Variants in PARP2 observed in about 807,000 individuals in gnomAD.
PARP2 encodes poly [ADP-ribose] polymerase 2.
Under a neutral mutation model 77.8 loss-of-function variants are expected in PARP2, and 57 were observed. That is an observed-to-expected ratio of 0.73 (90% CI 0.59 to 0.91). PARP2 has a LOEUF of 0.91. PARP2 is among the 40% of genes least tolerant of loss of function. The pLI, the probability that PARP2 is intolerant of heterozygous loss-of-function variation, is 0.00. For synonymous variants in PARP2, 226 were observed against 242.6 expected, an observed-to-expected ratio of 0.93 and a Z score of 0.64; for missense variants, 651 against 689.0, an observed-to-expected ratio of 0.94 and a Z score of 0.62.
intron 4 of PARP2, among the ~76,000 whole-genome samples, chr14:20,348,912 G>C (rs909818161): frequency 6.6e-6 from 1 of 151,992 alleles, no homozygotes; most frequent in African/African-American, 2.4e-5. Context: ...CCAGCTACTC[G>C]GGAGGTTGAG....
In PARP2 at chr14:20,343,698, C is replaced by G; in HGVS notation, c.46+11C>G. 6.2e-7 allele frequency: 1 copy of G among 1,608,930 alleles called. No homozygotes were observed. The highest frequency in any genetic ancestry group is 8.5e-7 in the Non-Finnish European group (1 of 1,178,380). On this transcript the variant is annotated intron_variant, in intron 1 of 15. Transcript: ENST00000429687. ...GCGGCAGGGCGAGAGGTTCGGAGCT[C>G]AATATCGCGGGACGGCATGCGGGGG...
intron 7 of PARP2, chr14:20,353,089 A>C (rs1223528913): frequency 1.3e-5 from 2 of 151,672 alleles, no homozygotes; most frequent in Non-Finnish European, 2.9e-5. Flanking sequence ...CATGTTGGCC[A>C]GTCTGGTCTT....
chr14:20,357,583 A>C, intron 15 of PARP2, 55 bp from the exon 16 acceptor site: 1 of 1,605,016 alleles, frequency 6.2e-7, no homozygotes, highest in Non-Finnish European at 8.5e-7. Flanking sequence ...TACGTTCTCT[A>C]TTGCAGCTTC....
chr14:20,357,890 A>ATATC lies in PARP2; in HGVS notation c.*93_*94insTATC. ...ATTTTGTGATATTTTATGTAATAAA[A>ATATC]ACTGTACAGGTCTACCACTGGCTTC... On this transcript the variant is annotated 3_prime_UTR_variant, in exon 16 of 16. Transcript: ENST00000429687. 1 of 1,170,036 alleles carries ATATC rather than the reference A, an allele frequency of 8.5e-7. No homozygotes were observed. The highest frequency in any genetic ancestry group is 1.2e-6 in the Non-Finnish European group (1 of 807,484). The allele number at this position is 1,170,036 out of a possible 1,614,324, so 72.5% of individuals were successfully genotyped here.
At position 20,345,393 on chromosome 14, in the gene PARP2, G is replaced by C; in HGVS notation, c.203-1G>C. 1 of 1,612,536 alleles carries C rather than the reference G, an allele frequency of 6.2e-7. No homozygotes were observed. Among genetic ancestry groups the C allele is most frequent in the Non-Finnish European group, 8.5e-7 (1 of 1,178,660 alleles). ...AGTAGTACCTATCTGTCTTTCCTCA[G>C]AATCTGTGAAGGCCTTGCTGTTAAA... On this transcript the variant is annotated splice_acceptor_variant, in intron 2 of 15. Coordinates refer to ENST00000429687, the MANE Select transcript of PARP2 (RefSeq NM_001042618.2). LOFTEE classifies it high-confidence loss of function.
intron 4 of PARP2, among the ~76,000 whole-genome samples, chr14:20,347,386 ATATATATATATATTTTTTTTTTTTT>A (rs1883793974): frequency 6.5e-5 from 1 of 15,272 alleles, no homozygotes; most frequent in African/African-American, 2.5e-4. Flanking sequence ...ATATATATAT[ATATATATATATATTTTTTTTTTTTT>A]TTTTTTTTTT....
intron 4 of PARP2, 98 bp downstream of exon 4, chr14:20,347,011 T>A: frequency 1.3e-5 from 2 of 148,870 alleles, no homozygotes; most frequent in Non-Finnish European, 2.5e-5. Flanking sequence ...TTAAAGTCCC[T>A]TTTTTTTTTT....
intron 8 of PARP2, 49 bp from the exon 9 acceptor site, chr14:20,354,760 C>G (rs750105965): frequency 1.3e-6 from 2 of 1,545,192 alleles, no homozygotes; most frequent in South Asian, 2.4e-5. Context: ...AAGTACAGTT[C>G]ACTAGATGGG....
chr14:20,356,519 T>C, intron 12 of PARP2, 71 bp from the exon 13 acceptor site: 2 of 1,603,448 alleles, frequency 1.2e-6, no homozygotes, highest in Non-Finnish European at 1.7e-6. Context: ...CAGAGGAAGG[T>C]GTTGGCTTTT....
intron 11 of PARP2, 39 bp from the exon 12 acceptor site, chr14:20,356,268 G>A: frequency 6.2e-7 from 1 of 1,609,708 alleles, no homozygotes; most frequent in Non-Finnish European, 8.5e-7. Flanking sequence ...TCAGTCTCTT[G>A]TAGAGTCTAC....
chr14:20,343,928 G>A (rs1433875196), intron 1 of PARP2, among the ~76,000 whole-genome samples: 1 of 152,152 alleles, frequency 6.6e-6, no homozygotes, highest in Non-Finnish European at 1.5e-5. Flanking sequence ...AATACCTAAT[G>A]TCATCCAATT....
In PARP2 at chr14:20,351,084, A is replaced by G. The variant is rs1883937832; in HGVS notation, c.459A>G (p.Ser153=). The change falls in exon 6 of 16, where the codon TCA becomes TCG. Residue 153 remains serine (S), a synonymous_variant. Coordinates refer to ENST00000429687, the MANE Select transcript of PARP2 (RefSeq NM_001042618.2). ...KMGQHSLVAC[S]GNLNKAKEIF... is the part of the protein sequence containing the mutation. ...GACAGCACAGCCTGGTGGCTTGTTC[A>G]GGCAATCTCAACAAGGCCAAGGAAA... is the stretch of plus-strand genomic sequence containing the variant. 1 of 1,614,046 alleles carries G rather than the reference A, an allele frequency of 6.2e-7. No individual in the cohort carries two copies. The highest frequency in any genetic ancestry group is 1.1e-5 in the South Asian group (1 of 91,084).
chr14:20,349,667 C>G (rs1209648387), intron 4 of PARP2, among the ~76,000 whole-genome samples: 1 of 152,030 alleles, frequency 6.6e-6, no homozygotes, highest in Non-Finnish European at 1.5e-5. Context: ...GAGCAAGACT[C>G]TGTCTCAAAA....
intron 7 of PARP2, among the ~76,000 whole-genome samples, chr14:20,353,304 C>T (rs564118723): frequency 2.6e-4 from 39 of 151,744 alleles, no homozygotes; most frequent in Non-Finnish European, 1.2e-4. Flanking sequence ...TGCAGTGGCG[C>T]GATCTCGGCT....
chr14:20,346,250 C>T (rs993462431), intron 3 of PARP2, among the ~76,000 whole-genome samples: 6 of 150,608 alleles, frequency 4.0e-5, no homozygotes, highest in African/African-American at 1.5e-4. Flanking sequence ...CCTGGAATGG[C>T]ATGAGTTACT....
rs368255582 is a variant in PARP2 at position 20,357,444 on chromosome 14, G to A, written c.1477G>A (p.Glu493Lys). 2.1e-5 allele frequency: 34 copies of A among 1,613,672 alleles called. No individual in the cohort carries two copies. The highest frequency in any genetic ancestry group is 1.2e-4 in the African/African-American group (9 of 74,910). Reference protein sequence around the residue: ...NELLEANPKAEGLLQGKHSTK... With the variant: ...NELLEANPKAKGLLQGKHSTK... ...ACTACTAGAGGCCAATCCTAAGGCCGAAGGATTGCTTCAAGGTAAACATAG... is the reference window on the plus strand; with the variant it reads ...ACTACTAGAGGCCAATCCTAAGGCCAAAGGATTGCTTCAAGGTAAACATAG... Residue 493 changes from glutamate to lysine, a missense_variant, in exon 15 of 16, where the codon GAA becomes AAA. Glu to Lys is a moderately conservative substitution (Grantham distance 56). Coordinates refer to ENST00000429687, the MANE Select transcript of PARP2 (RefSeq NM_001042618.2).
At chr14:20,347,164 G>T (rs1481503328) in intron 4 of PARP2, among the ~76,000 whole-genome samples, 1 of 148,846 alleles carries the variant, frequency 6.7e-6, no homozygotes, top group East Asian at 2.0e-4. Flanking sequence ...AAGTAGCTGG[G>T]GTTACAGGCG....
At chr14:20,355,195 C>G in intron 9 of PARP2, 1 of 360,656 alleles carries the variant, frequency 2.8e-6, no homozygotes, top group Non-Finnish European at 4.9e-6. Context: ...GAGAATGGGT[C>G]TAGCTATCCA....
chr14:20,357,588 A>G (rs955827671), intron 15 of PARP2, 50 bp from the exon 16 acceptor site: 2 of 1,605,962 alleles, frequency 1.2e-6, no homozygotes, highest in Non-Finnish European at 1.7e-6. Context: ...TCTCTATTGC[A>G]GCTTCTGAAC....
Sources: gnomAD v4.1 joint callset for allele counts (sites outside exome capture counted in the v4.1 genomes callset) on GRCh38, gnomAD v4.1.1 for gene constraint, MANE v1.5 for transcripts, NCBI Gene and HGNC (gene_info 2026-07-23, HGNC 2026-07-21) for gene names.